Variants in ANGPTL6 observed in about 807,000 individuals in gnomAD.
ANGPTL6 encodes angiopoietin-related protein 6.
A neutral mutation model predicts 47.4 loss-of-function variants in ANGPTL6; 45 were observed. The observed-to-expected ratio is 0.95, with a 90% confidence interval of 0.75 to 1.22. The LOEUF is 1.22. Ranked by LOEUF, ANGPTL6 falls within the 50% of genes most tolerant of loss-of-function variation. ANGPTL6 has a pLI of 0.00. For missense variants in ANGPTL6, 698 were observed against 669.4 expected (o/e 1.04, Z -0.47); for synonymous variants, 290 against 295.9 (o/e 0.98, Z 0.20).
intron 1 of ANGPTL6, among the ~76,000 whole-genome samples, chr19:10,100,880 C>T (rs560396467): frequency 2.0e-5 from 3 of 151,962 alleles, no homozygotes; most frequent in Non-Finnish European, 4.4e-5. Context: ...TGCTGACTCA[C>T]GCCTGTAATC....
chr19:10,105,414 C>T (rs528140429), upstream of ANGPTL6, among the ~76,000 whole-genome samples: 24 of 151,654 alleles, frequency 1.6e-4, no homozygotes, highest in African/African-American at 2.2e-4. Flanking sequence ...AAGGGAGAGA[C>T]GGGGAGATGG....
chr19:10,105,983 T>C (rs1200882611), upstream of ANGPTL6, among the ~76,000 whole-genome samples: 1 of 152,224 alleles, frequency 6.6e-6, no homozygotes, highest in Non-Finnish European at 1.5e-5. Context: ...TCCGGTGGCT[T>C]CTCCCCAAGT....
chr19:10,093,787 C>A lies in ANGPTL6; in HGVS notation c.857G>T (p.Trp286Leu). Residue 286 changes from tryptophan to leucine, a missense_variant, in exon 4 of 6, where the codon TGG becomes TTG. Trp to Leu is a moderately conservative substitution (Grantham distance 61). Transcript: ENST00000253109. The part of the protein sequence containing the change: ...LRVGRHVVSV[W>L]CEQQLEGGGW... The stretch of plus-strand genomic sequence containing the variant: ...TCCACCCTCCAGTTGCTGCTCACAC[C>A]ATACTGACACTACGTGACGGCCCAC... 6.2e-7 allele frequency: 1 copy of A among 1,614,186 alleles called. No homozygotes were observed. Among genetic ancestry groups the A allele is most frequent in the Non-Finnish European group, 8.5e-7 (1 of 1,180,042 alleles).
At position 10,092,478 on chromosome 19, in the gene ANGPTL6, G is replaced by A. The variant is rs1243887209; in HGVS notation, c.*111C>T. ...GCCCAGGGTCACAGATCCACAGTGG[G>A]AAGTTCTGTGGGACACATTGGCACT... On this transcript the variant is annotated 3_prime_UTR_variant, in exon 6 of 6. Transcript: ENST00000253109. 6.6e-7 allele frequency: 1 copy of A among 1,515,012 alleles called. No individual in the cohort carries two copies. Among genetic ancestry groups the A allele is most frequent in the East Asian group, 2.3e-5 (1 of 44,164 alleles). The allele number at this position is 1,515,012 out of a possible 1,614,324, so 93.8% of individuals were successfully genotyped here.
chr19:10,094,469 G>T (rs550440920), intron 3 of ANGPTL6: 3 of 412,434 alleles, frequency 7.3e-6, no homozygotes, highest in Non-Finnish European at 1.3e-5. Context: ...TTAAACCCTG[G>T]TTTTTTATGG....
At chr19:10,095,949 C>A (rs781015112) in intron 2 of ANGPTL6, 33 bp downstream of exon 2, 2 of 1,223,520 alleles carry the variant, frequency 1.6e-6, no homozygotes, top group East Asian at 3.0e-5. Flanking sequence ...ATTTCACAGA[C>A]GATGCTGCTC....
intron 4 of ANGPTL6, 28 bp from the exon 5 acceptor site, chr19:10,093,647 A>T (rs1311849084): frequency 6.2e-7 from 1 of 1,613,282 alleles, no homozygotes; most frequent in Non-Finnish European, 8.5e-7. Context: ...TCAGGAAGCC[A>T]GAACAGGCTC....
rs367822624 is a variant in ANGPTL6 at position 10,093,552 on chromosome 19, C to T, written c.1019G>A (p.Arg340His). Residue 340 changes from arginine (R) to histidine (H), a missense_variant, in exon 5 of 6, where the codon CGT (arginine) becomes CAT (histidine). Transcript: ENST00000253109. Reference protein sequence around the residue: ...GLEPVYQLTSRGDHELLVLLE... With the variant: ...GLEPVYQLTSHGDHELLVLLE... ...GAGAACCAGCAGCTCATGGTCCCCA[C>T]GGCTGGTCAGCTGATACACGGGTTC... 82 of 1,613,868 alleles carry T rather than the reference C, an allele frequency of 5.1e-5. No individual in the cohort carries two copies. Among genetic ancestry groups the T allele is most frequent in the Admixed American group, 1.2e-4 (7 of 59,986 alleles).
At chr19:10,103,839 A>G (rs2088744270), upstream of ANGPTL6, among the ~76,000 whole-genome samples, 1 of 151,176 alleles carries the variant, frequency 6.6e-6, no homozygotes, top group African/African-American at 2.4e-5. Context: ...TCACGCCTGT[A>G]ATCCCAGCAC....
chr19:10,103,547 G>T (rs2088732166), upstream of ANGPTL6, among the ~76,000 whole-genome samples: 1 of 150,704 alleles, frequency 6.6e-6, no homozygotes, highest in South Asian at 2.1e-4. Context: ...CCGAGATCGA[G>T]CAACCGCATG....
upstream of ANGPTL6, among the ~76,000 whole-genome samples, chr19:10,103,526 G>T (rs147978576): frequency 1.0e-2 from 1,509 of 151,386 alleles, 27 homozygotes; most frequent in African/African-American, 0.034. Flanking sequence ...GGAGGTGGAG[G>T]TTGCAGTAAG....
intron 1 of ANGPTL6, among the ~76,000 whole-genome samples, chr19:10,099,501 C>T (rs947038445): frequency 3.4e-5 from 5 of 147,150 alleles, no homozygotes; most frequent in Non-Finnish European, 7.5e-5. Context: ...GGCTTGAACC[C>T]GGGAGGCAGA....
chr19:10,098,326 TG>T (rs1215446614), intron 1 of ANGPTL6, among the ~76,000 whole-genome samples: 2 of 152,068 alleles, frequency 1.3e-5, no homozygotes, highest in East Asian at 1.9e-4. Flanking sequence ...CACTCCAGCC[TG>T]GGGACGAGAG....
chr19:10,105,353 G>A (rs1284605439), upstream of ANGPTL6, among the ~76,000 whole-genome samples: 1 of 152,286 alleles, frequency 6.6e-6, no homozygotes, highest in Non-Finnish European at 1.5e-5. Context: ...CAGACAGATG[G>A]AGATGGGAGA....
chr19:10,092,874 C>T lies in ANGPTL6; in HGVS notation c.1223-95G>A, dbSNP rs569429706. ...GGCTTTTGCCAGGCATCCCCTGGCC[C>T]CTCCCATTCTTATTGAATACAAGCC... is the stretch of plus-strand genomic sequence containing the variant. On this transcript the variant is annotated intron_variant, in intron 5 of 5. Coordinates refer to ENST00000253109, the MANE Select transcript of ANGPTL6 (RefSeq NM_031917.3). The T allele has an allele frequency of 8.5e-5, 88 of 1,040,736 alleles. No homozygotes were observed. In the African/African-American group the frequency reaches 1.4e-3, roughly 16 times the overall value. The allele number at this position is 1,040,736 out of a possible 1,614,324, so 64.5% of individuals were successfully genotyped here. A position where few individuals can be genotyped will look rare whatever the true frequency, so the allele number is the denominator to read the frequency against.
At position 10,094,895 on chromosome 19, in the gene ANGPTL6, A is replaced by G. The variant is rs917459567; in HGVS notation, c.626T>C (p.Leu209Pro). Reference protein sequence around the residue: ...PPLVPVVPVRLVGSTSDTSRM... With the variant: ...PPLVPVVPVRPVGSTSDTSRM... The stretch of plus-strand genomic sequence containing the variant: ...ACTGGTGTCACTGGTGCTACCCACA[A>G]GACGGACCGGAACCACAGGCACCAG... Residue 209 changes from leucine (L) to proline (P), a missense_variant, in exon 3 of 6, where the codon CTT becomes CCT. Coordinates refer to ENST00000253109, the MANE Select transcript of ANGPTL6 (RefSeq NM_031917.3). The G allele has an allele frequency of 6.2e-7, 1 of 1,613,700 alleles. No individual in the cohort carries two copies. Among genetic ancestry groups the G allele is most frequent in the Non-Finnish European group, 8.5e-7 (1 of 1,179,822 alleles).
Position 10,092,637 on chromosome 19 carries a change from T to A in ANGPTL6, c.1365A>T (p.Ala455=). Residue 455 remains alanine, a synonymous_variant, in exon 6 of 6, where the codon GCA becomes GCT. Transcript: ENST00000253109. ...GCATGGCGGCCTTCCTGAGAGAATATGCCCCACCACGAAACTCAGCCCAGT... is the reference window on the plus strand; with the variant it reads ...GCATGGCGGCCTTCCTGAGAGAATAAGCCCCACCACGAAACTCAGCCCAGT... The part of the protein sequence containing the change: ...GVYWAEFRGG[A]YSLRKAAMLI... The A allele has an allele frequency of 6.2e-7, 1 of 1,613,656 alleles. No homozygotes were observed. The highest frequency in any genetic ancestry group is 8.5e-7 in the Non-Finnish European group (1 of 1,179,648).
upstream of ANGPTL6, chr19:10,102,854 G>A (rs953924526): frequency 1.2e-6 from 1 of 841,898 alleles, no homozygotes; most frequent in African/African-American, 1.8e-5. Context: ...GATAACACAG[G>A]TCAGTGTCCT....
Position 10,095,997 on chromosome 19 carries a change from C to A in ANGPTL6, c.567G>T (p.Ala189=). The change falls in exon 2 of 6, where the codon GCG becomes GCT. Residue 189 remains alanine, a synonymous_variant. Coordinates refer to ENST00000253109, the MANE Select transcript of ANGPTL6 (RefSeq NM_031917.3). ...ARLERLCPGG[A]GGQQQVLPPP... is the part of the protein sequence containing the mutation. ...GCGAGGTTACCTGCTGCTGCCCGCC[C>A]GCGCCTCCCGGGCACAGGCGCTCCA... 1.5e-6 allele frequency: 2 copies of A among 1,341,388 alleles called. No individual in the cohort carries two copies. The highest frequency in any genetic ancestry group is 2.0e-5 in the South Asian group (1 of 49,680). The allele number at this position is 1,341,388 out of a possible 1,614,324, so 83.1% of individuals were successfully genotyped here.
Sources: gnomAD v4.1 joint callset for allele counts (sites outside exome capture counted in the v4.1 genomes callset) on GRCh38, gnomAD v4.1.1 for gene constraint, MANE v1.5 for transcripts, NCBI Gene and HGNC (gene_info 2026-07-23, HGNC 2026-07-21) for gene names.